The following BRIP1 variants were observed in gnomAD, a reference collection of about 807,000 sequenced individuals.
BRIP1 encodes Fanconi anemia group J protein.
BRIP1 carries 88 observed loss-of-function variants against 119.7 expected under a neutral mutation model. The ratio of observed to expected loss-of-function variants is 0.74; its 90% CI spans 0.62 to 0.88. BRIP1 has a LOEUF of 0.88. Ranked by LOEUF, BRIP1 falls within the 40% of genes least tolerant of loss-of-function variation. BRIP1 has a pLI of 0.00. For synonymous variants in BRIP1, 443 were observed against 496.5 expected, an observed-to-expected ratio of 0.89 and a Z score of 1.43; for missense variants, 1,259 against 1,455.4, an observed-to-expected ratio of 0.87 and a Z score of 2.20.
chr17:61,729,326 A>T lies in BRIP1; in HGVS notation c.2380-13263T>A, dbSNP rs2144551886. Among the ~76,000 whole-genome samples, 1 of 152,134 alleles carries T rather than the reference A, an allele frequency of 6.6e-6. No individual in the cohort carries two copies. Among genetic ancestry groups the T allele is most frequent in the South Asian group, 2.1e-4 (1 of 4,820 alleles). ...AACAAACAAACAAAAAAGAAAGGAA[A>T]TCATTTGATTACAGTGAACAGTATT... On this transcript the variant is annotated intron_variant, in intron 16 of 19. Coordinates refer to ENST00000259008, the MANE Select transcript of BRIP1 (RefSeq NM_032043.3). This position sits in a 1 kb window ranked among gnomAD's most constrained non-coding sequence, Gnocchi z 5.6.
At chr17:61,771,543 C>CA (rs752736791) in intron 14 of BRIP1, among the ~76,000 whole-genome samples, 22 of 151,650 alleles carry the variant, frequency 1.5e-4, no homozygotes, top group Middle Eastern at 3.4e-3. Flanking sequence ...AGGCTATTAT[C>CA]AAAAAAAACA....
rs1360643514 is a variant in BRIP1, at chr17:61,828,103, C to G, written c.627+18998G>C. ...ACAGAGACTCAAACAGATACGTACA[C>G]CAATGTTCACAGCAGCATTATTCAA... On this transcript the variant is annotated intron_variant, in intron 6 of 19. Coordinates refer to ENST00000259008, the MANE Select transcript of BRIP1 (RefSeq NM_032043.3). This position sits in a 1 kb window ranked among gnomAD's most constrained non-coding sequence, Gnocchi z 4.1. Among the ~76,000 whole-genome samples, 17 of 152,092 alleles carry G rather than the reference C, an allele frequency of 1.1e-4. No homozygotes were observed. The highest frequency in any genetic ancestry group is 2.2e-4 in the Non-Finnish European group (15 of 68,010).
chr17:61,829,943 T>G (rs2078465217), intron 6 of BRIP1, among the ~76,000 whole-genome samples: 1 of 152,144 alleles, frequency 6.6e-6, no homozygotes, highest in African/African-American at 2.4e-5. Flanking sequence ...TTTTTTTCTT[T>G]TTTTTTGAGA....
rs759970812 is a variant in BRIP1, at chr17:61,745,165, A to T, written c.2098-574T>A. Among the ~76,000 whole-genome samples, 2 of 152,212 alleles carry T rather than the reference A, an allele frequency of 1.3e-5. No homozygotes were observed. Among genetic ancestry groups the T allele is most frequent in the Admixed American group, 6.5e-5 (1 of 15,282 alleles). ...ACCTGCATTGAAAAAAGATAGAAAT[A>T]AAGACTCAGCCAAGAAGTAGAAAAT... On this transcript the variant is annotated intron_variant, in intron 14 of 19. Coordinates refer to ENST00000259008, the MANE Select transcript of BRIP1 (RefSeq NM_032043.3). This position sits in a 1 kb window ranked among gnomAD's most constrained non-coding sequence, Gnocchi z 4.4.
chr17:61,829,973 C>T (rs1036072492), intron 6 of BRIP1, among the ~76,000 whole-genome samples: 5 of 150,396 alleles, frequency 3.3e-5, no homozygotes, highest in Admixed American at 1.3e-4. Flanking sequence ...GCTCTTGTTG[C>T]CCAGGCTTGA....
rs992366115 is a variant in BRIP1, at chr17:61,803,562, G to T, written c.919-2088C>A. On this transcript the variant is annotated intron_variant, in intron 7 of 19. Coordinates refer to ENST00000259008, the MANE Select transcript of BRIP1 (RefSeq NM_032043.3). The surrounding 1 kb of genome is among the most constrained non-coding windows in gnomAD (Gnocchi z 4.3). ...ACAAAAAAACAAAAAAAATTAAACC[G>T]CAGTGAGCAGTGACCACGCCACTGC... Among the ~76,000 whole-genome samples, 2 of 151,984 alleles carry T rather than the reference G, an allele frequency of 1.3e-5. No individual in the cohort carries two copies. Among genetic ancestry groups the T allele is most frequent in the South Asian group, 4.2e-4 (2 of 4,818 alleles).
In BRIP1 at chr17:61,776,898, C is replaced by T. The variant is rs936916765; in HGVS notation, c.1936-336G>A. Among the ~76,000 whole-genome samples the T allele has an allele frequency of 9.2e-5, 14 of 152,084 alleles. No homozygotes were observed. Among genetic ancestry groups the T allele is most frequent in the African/African-American group, 3.4e-4 (14 of 41,418 alleles). On this transcript the variant is annotated intron_variant, in intron 13 of 19. Transcript: ENST00000259008. The surrounding 1 kb of genome is among the most constrained non-coding windows in gnomAD (Gnocchi z 5.0). ...GAACAAGTGAAATGATGAATATATA[C>T]CAATAGCAGAATCAGATAATTCCAA...
At chr17:61,821,828 T>C (rs1328524461) in intron 6 of BRIP1, among the ~76,000 whole-genome samples, 1 of 152,186 alleles carries the variant, frequency 6.6e-6, no homozygotes, top group Non-Finnish European at 1.5e-5. Context: ...TCGGCTCAAG[T>C]GATCCTTCCG....
At position 61,759,118 on chromosome 17, in the gene BRIP1, G is replaced by C. The variant is rs931424319; in HGVS notation, c.2098-14527C>G. Among the ~76,000 whole-genome samples, 1 of 152,044 alleles carries C rather than the reference G, an allele frequency of 6.6e-6. No homozygotes were observed. Among genetic ancestry groups the C allele is most frequent in the African/African-American group, 2.4e-5 (1 of 41,426 alleles). On this transcript the variant is annotated intron_variant, in intron 14 of 19. Coordinates refer to ENST00000259008, the MANE Select transcript of BRIP1 (RefSeq NM_032043.3). This position sits in a 1 kb window ranked among gnomAD's most constrained non-coding sequence, Gnocchi z 4.9. ...TTACACTCTAGCAAAAAGACATAGA[G>C]TCTTAATTCCCAGAGCAATTTAGAA...
rs56294609 is a variant in BRIP1, at chr17:61,856,071, G to T, written c.379+987C>A. Reference sequence around the variant, plus strand: ...AGAAGAGACACTAATAGAAGCAAAGGCTCTGAGGAAGGAGAAAGCATAAAT... The same window carrying T: ...AGAAGAGACACTAATAGAAGCAAAGTCTCTGAGGAAGGAGAAAGCATAAAT... On this transcript the variant is annotated intron_variant, in intron 4 of 19. Transcript: ENST00000259008. This position sits in a 1 kb window ranked among gnomAD's most constrained non-coding sequence, Gnocchi z 5.1. 0.19 allele frequency among the ~76,000 whole-genome samples: 28,355 copies of T among 152,054 alleles called. 3,067 individuals carry two copies. Among genetic ancestry groups the T allele is most frequent in the Admixed American group, 0.3 (4,603 of 15,268 alleles).
rs1355275042 is a variant in BRIP1 at position 61,736,898 on chromosome 17, A to G, written c.2379+6115T>C. Among the ~76,000 whole-genome samples the G allele has an allele frequency of 1.3e-5, 2 of 152,162 alleles. No individual in the cohort carries two copies. The highest frequency in any genetic ancestry group is 2.9e-5 in the Non-Finnish European group (2 of 68,006). ...GGTGAATACTACAATATGCTTTTGA[A>G]TTGCAATTCCTCTGTTTTCCCTATA... On this transcript the variant is annotated intron_variant, in intron 16 of 19. Transcript: ENST00000259008. This position sits in a 1 kb window ranked among gnomAD's most constrained non-coding sequence, Gnocchi z 4.4.
chr17:61,826,818 A>C (rs2078417199), intron 6 of BRIP1, among the ~76,000 whole-genome samples: 3 of 151,952 alleles, frequency 2.0e-5, no homozygotes, highest in Admixed American at 2.0e-4. Flanking sequence ...TACTGGTAAG[A>C]ATGTAAATTA....
chr17:61,849,351 T>C (rs2078784123), intron 4 of BRIP1, 95 bp from the exon 5 acceptor site: 2 of 1,051,036 alleles, frequency 1.9e-6, no homozygotes, highest in Admixed American at 2.3e-5. Context: ...GGCTTATTTC[T>C]AGAAATTTCA....
In BRIP1 at chr17:61,721,052, G is replaced by A. The variant is rs941150262; in HGVS notation, c.2380-4989C>T. 1.5e-3 allele frequency among the ~76,000 whole-genome samples: 225 copies of A among 152,012 alleles called. 4 individuals are homozygous for A. The highest frequency in any genetic ancestry group is 4.7e-4 in the Non-Finnish European group (32 of 67,982). On this transcript the variant is annotated intron_variant, in intron 16 of 19. Transcript: ENST00000259008. ...AGTTGGGATTTCACATTGTTGGTCAGGCTGGTCTCAAACGCCTGACCTCAG... is the reference window on the plus strand; with the variant it reads ...AGTTGGGATTTCACATTGTTGGTCAAGCTGGTCTCAAACGCCTGACCTCAG...
In BRIP1 at chr17:61,852,916, T is replaced by G. The variant is rs2078843033; in HGVS notation, c.380-3660A>C. ...GGGATCTGACCGGGGACGCATAAAT[T>G]GATTCAACCACTTTAGAAAATGTTG... On this transcript the variant is annotated intron_variant, in intron 4 of 19. Coordinates refer to ENST00000259008, the MANE Select transcript of BRIP1 (RefSeq NM_032043.3). This position sits in a 1 kb window ranked among gnomAD's most constrained non-coding sequence, Gnocchi z 4.9. Among the ~76,000 whole-genome samples the G allele has an allele frequency of 6.6e-6, 1 of 152,162 alleles. No homozygotes were observed. Among genetic ancestry groups the G allele is most frequent in the Non-Finnish European group, 1.5e-5 (1 of 68,016 alleles).
In BRIP1 at chr17:61,847,251, G is replaced by C. The variant is rs4988344; in HGVS notation, c.508-31C>G. 274,239 of 1,610,738 alleles carry C rather than the reference G, an allele frequency of 0.17. 27,376 individuals are homozygous for C. Among genetic ancestry groups the C allele is most frequent in the East Asian group, 0.53 (23,581 of 44,756 alleles). ...AACACAGAACCAAAATGAAGTTTAA[G>C]GTGAACTAGAAGTTTAACTGGCTAG... On this transcript the variant is annotated intron_variant, in intron 5 of 19. Coordinates refer to ENST00000259008, the MANE Select transcript of BRIP1 (RefSeq NM_032043.3).
At position 61,776,285 on chromosome 17, in the gene BRIP1, T is replaced by C; in HGVS notation, c.2097+116A>G. 1 of 1,114,714 alleles carries C rather than the reference T, an allele frequency of 9.0e-7. No homozygotes were observed. The highest frequency in any genetic ancestry group is 1.3e-5 in the South Asian group (1 of 75,880). The allele number at this position is 1,114,714 out of a possible 1,614,324, so 69.1% of individuals were successfully genotyped here. ...TGTGATGTTTAGAAAACTATAGTTATTACCTTGTTGCCTCTACCCTAGGAA... is the reference window on the plus strand; with the variant it reads ...TGTGATGTTTAGAAAACTATAGTTACTACCTTGTTGCCTCTACCCTAGGAA... On this transcript the variant is annotated intron_variant, in intron 14 of 19. Coordinates refer to ENST00000259008, the MANE Select transcript of BRIP1 (RefSeq NM_032043.3). This position sits in a 1 kb window ranked among gnomAD's most constrained non-coding sequence, Gnocchi z 5.0.
In BRIP1 at chr17:61,793,106, TG is replaced by T. The variant is rs2077843821; in HGVS notation, c.1473+490del. On this transcript the variant is annotated intron_variant, in intron 10 of 19. Coordinates refer to ENST00000259008, the MANE Select transcript of BRIP1 (RefSeq NM_032043.3). The surrounding 1 kb of genome is among the most constrained non-coding windows in gnomAD (Gnocchi z 5.2). ...CGGCAAAAAACATTAGAAAATATAA[TG>T]AAATTTATGCAGCCTCTATTTAGAA... Among the ~76,000 whole-genome samples the T allele has an allele frequency of 6.6e-6, 1 of 152,122 alleles. No individual in the cohort carries two copies. Among genetic ancestry groups the T allele is most frequent in the African/African-American group, 2.4e-5 (1 of 41,442 alleles).
In BRIP1 at chr17:61,743,906, C is replaced by T. The variant is rs2077020872; in HGVS notation, c.2257+526G>A. 6.6e-6 allele frequency among the ~76,000 whole-genome samples: 1 copy of T among 152,114 alleles called. No individual in the cohort carries two copies. Among genetic ancestry groups the T allele is most frequent in the African/African-American group, 2.4e-5 (1 of 41,472 alleles). ...TTCACCATGTTGCCCAGGCTGGTCT[C>T]GAACTCCTGGGCTCAAGTGATCCAC... On this transcript the variant is annotated intron_variant, in intron 15 of 19. Coordinates refer to ENST00000259008, the MANE Select transcript of BRIP1 (RefSeq NM_032043.3). The surrounding 1 kb of genome is among the most constrained non-coding windows in gnomAD (Gnocchi z 4.3).
Sources: allele counts gnomAD v4.1 joint callset (sites outside exome capture counted in the v4.1 genomes callset), GRCh38; gene constraint gnomAD v4.1.1; non-coding constraint Gnocchi (gnomAD v3.1); transcripts MANE v1.5; gene names NCBI Gene and HGNC (gene_info 2026-07-23, HGNC 2026-07-21).